Variants in KIF1A observed in about 807,000 individuals in gnomAD.
The protein encoded by KIF1A is kinesin-like protein KIF1A.
A neutral mutation model predicts 227.3 loss-of-function variants in KIF1A; 46 were observed. That is an observed-to-expected ratio of 0.20 (90% CI 0.16 to 0.26). KIF1A has a LOEUF of 0.26. Among genes scored for constraint, KIF1A ranks in the 10% least tolerant of loss-of-function variants. KIF1A has a pLI of 1.00. For missense variants in KIF1A, 1,683 were observed against 2,485.9 expected, an observed-to-expected ratio of 0.68 and a Z score of 6.87; for synonymous variants, 1,022 against 1,012.8, an observed-to-expected ratio of 1.01 and a Z score of -0.17.
At chr2:240,783,892 C>T (rs763241939) in intron 7 of KIF1A, 76 bp from the exon 8 acceptor site, 59 of 1,146,690 alleles carry the variant, frequency 5.1e-5, no homozygotes, top group Non-Finnish European at 7.3e-5. Context: ...TGGGCAAGGT[C>T]TCCACAGCTG....
intron 10 of KIF1A, among the ~76,000 whole-genome samples, chr2:240,777,990 A>G (rs537301214): frequency 1.3e-5 from 2 of 152,218 alleles, no homozygotes; most frequent in South Asian, 2.1e-4. Context: ...CAGTCCCTCA[A>G]GGAGCTCTCG....
rs2047735269 is a variant in KIF1A at position 240,739,718 on chromosome 2, AGC to A, written c.3901+338_3901+339del. Among the ~76,000 whole-genome samples the A allele has an allele frequency of 6.6e-6, 1 of 151,988 alleles. No homozygotes were observed. Among genetic ancestry groups the A allele is most frequent in the Admixed American group, 6.6e-5 (1 of 15,264 alleles). ...TCCCCAACAGGTTTCAGAGAGAGAGAGCGCGCCTCTTGCCGGCACCTTGATTT... is the reference window on the plus strand; with the variant it reads ...TCCCCAACAGGTTTCAGAGAGAGAGAGCGCCTCTTGCCGGCACCTTGATTT... On this transcript the variant is annotated intron_variant, in intron 37 of 48. Coordinates refer to ENST00000498729, the MANE Select transcript of KIF1A (RefSeq NM_001244008.2). The surrounding 1 kb of genome is among the most constrained non-coding windows in gnomAD (Gnocchi z 5.6).
chr2:240,807,078 A>ATG (rs67918205), intron 1 of KIF1A, among the ~76,000 whole-genome samples: 2,975 of 94,570 alleles, frequency 0.031, 57 homozygotes, highest in East Asian at 0.067. Flanking sequence ...CCTCATATAT[A>ATG]TGTGTGTGTG....
At chr2:240,742,571 T>A (rs1559492790) in intron 34 of KIF1A, among the ~76,000 whole-genome samples, 1 of 151,994 alleles carries the variant, frequency 6.6e-6, no homozygotes, top group Non-Finnish European at 1.5e-5. Flanking sequence ...CGCTCCCACC[T>A]CCAGCCTCAG....
At chr2:240,745,201 G>C (rs371582922) in intron 32 of KIF1A, among the ~76,000 whole-genome samples, 3 of 152,218 alleles carry the variant, frequency 2.0e-5, no homozygotes, top group African/African-American at 7.2e-5. Context: ...ACTATGAGCA[G>C]CTCCCAGGGG....
Position 240,757,339 on chromosome 2 carries a change from G to T in KIF1A, c.2838C>A (p.Pro946=), listed in dbSNP as rs758316163. 1.5e-5 allele frequency: 24 copies of T among 1,550,704 alleles called. No individual in the cohort carries two copies. Among genetic ancestry groups the T allele is most frequent in the Admixed American group, 3.9e-5 (2 of 51,008 alleles). Reference sequence around the variant, plus strand: ...CCAACCTTCCTACTAAACTGAACAGGGGGGGCCGGTCGTAAAACGGGTCCC... The same window carrying T: ...CCAACCTTCCTACTAAACTGAACAGTGGGGGCCGGTCGTAAAACGGGTCCC... ...DGRDPFYDRP[P]LFSLVGRAFV... The change falls in exon 27 of 49, where the codon CCC becomes CCA. Residue 946 remains proline (P), a synonymous_variant. Transcript: ENST00000498729. The surrounding 1 kb of genome is among the most constrained non-coding windows in gnomAD (Gnocchi z 6.2).
At chr2:240,799,399 T>C (rs1376037523) in intron 1 of KIF1A, among the ~76,000 whole-genome samples, 1 of 152,136 alleles carries the variant, frequency 6.6e-6, no homozygotes, top group African/African-American at 2.4e-5. Context: ...AAACAGCTCT[T>C]CCAGAGGCTA....
chr2:240,756,676 T>G (rs1209247708), intron 27 of KIF1A, among the ~76,000 whole-genome samples: 1 of 152,176 alleles, frequency 6.6e-6, no homozygotes, highest in Non-Finnish European at 1.5e-5. Flanking sequence ...GCCCCATCAT[T>G]TCAGAGGGAG....
intron 16 of KIF1A, 57 bp downstream of exon 16, chr2:240,769,570 G>T: frequency 6.9e-7 from 1 of 1,446,604 alleles, no homozygotes; most frequent in Non-Finnish European, 9.6e-7. Context: ...TCCTGCCCAG[G>T]CTCCGGGCTT....
chr2:240,772,186 C>A (rs1010674919), intron 14 of KIF1A, among the ~76,000 whole-genome samples: 1 of 152,328 alleles, frequency 6.6e-6, no homozygotes, highest in South Asian at 2.1e-4. Context: ...ACAGGACAGT[C>A]CCTCCAGCCC....
chr2:240,785,844 G>A (rs1159673227), intron 6 of KIF1A, among the ~76,000 whole-genome samples: 1 of 152,190 alleles, frequency 6.6e-6, no homozygotes, highest in South Asian at 2.1e-4. Context: ...CCCTCAGGAA[G>A]TCCCGGGTGG....
intron 14 of KIF1A, among the ~76,000 whole-genome samples, chr2:240,772,187 C>T (rs2052095519): frequency 1.3e-5 from 2 of 152,184 alleles, no homozygotes; most frequent in Non-Finnish European, 2.9e-5. Context: ...CAGGACAGTC[C>T]CTCCAGCCCT....
chr2:240,789,159 G>A lies in KIF1A; in HGVS notation c.183+77C>T, dbSNP rs1205328899. 4.3e-6 allele frequency: 5 copies of A among 1,176,024 alleles called. No homozygotes were observed. Among genetic ancestry groups the A allele is most frequent in the Non-Finnish European group, 5.1e-6 (4 of 787,124 alleles). The allele number at this position is 1,176,024 out of a possible 1,614,324, so 72.8% of individuals were successfully genotyped here. A position where few individuals can be genotyped will look rare whatever the true frequency, so the allele number is the denominator to read the frequency against. On this transcript the variant is annotated intron_variant, in intron 3 of 48. Coordinates refer to ENST00000498729, the MANE Select transcript of KIF1A (RefSeq NM_001244008.2). The surrounding 1 kb of genome is among the most constrained non-coding windows in gnomAD (Gnocchi z 4.8). ...GTTAGAGAGGAATGAGCGGCTCAGA[G>A]AAGTTGAGGGACCCCGAGGGCCACA...
rs555265980 is a variant in KIF1A at position 240,784,817 on chromosome 2, G to C, written c.720+172C>G. ...GGCATGGGAGAAGGGCCTCTGGGGC[G>C]GGGGGGGGGACGTCCACACCTGGTG... On this transcript the variant is annotated intron_variant, in intron 7 of 48. Transcript: ENST00000498729. Among the ~76,000 whole-genome samples, 1,142 of 66,964 alleles carry C rather than the reference G, an allele frequency of 0.017. 6 individuals carry two copies. Among genetic ancestry groups the C allele is most frequent in the Non-Finnish European group, 0.025 (868 of 34,510 alleles). 43.9% of individuals were successfully genotyped at this position (66,964 alleles called of 152,430 possible). A position where few individuals can be genotyped will look rare whatever the true frequency, so the allele number is the denominator to read the frequency against.
At chr2:240,745,305 C>T (rs1291851129) in intron 32 of KIF1A, 122 bp downstream of exon 32, 23 of 798,694 alleles carry the variant, frequency 2.9e-5, no homozygotes, top group Admixed American at 2.0e-4. Flanking sequence ...CTGGAGTTCC[C>T]GGTGCACAAG....
At position 240,718,108 on chromosome 2, in the gene KIF1A, C is replaced by G. The variant is rs1214446629; in HGVS notation, c.5275G>C (p.Asp1759His). Reference protein sequence around the residue: ...HRGILLQAASDKDMHDWLYAF... With the variant: ...HRGILLQAASHKDMHDWLYAF... ...TACAGCCAGTCATGCATGTCCTTGT[C>G]GCTGGCGGCCTGCAGCAGGATGCCG... Residue 1759 changes from aspartate to histidine, a missense_variant, in exon 48 of 49, where the codon GAC becomes CAC. Physicochemically the swap from Asp to His is moderately conservative, Grantham distance 81. This residue lies in a region of KIF1A where 384 missense variants were observed against 410.1 expected (regional missense o/e 0.94). Coordinates refer to ENST00000498729, the MANE Select transcript of KIF1A (RefSeq NM_001244008.2). 6.2e-7 allele frequency: 1 copy of G among 1,611,770 alleles called. No homozygotes were observed.
chr2:240,728,113 G>T (rs959896011), intron 38 of KIF1A, among the ~76,000 whole-genome samples: 16 of 152,302 alleles, frequency 1.1e-4, no homozygotes, highest in African/African-American at 3.8e-4. Flanking sequence ...TCCCGAGACC[G>T]CGGTGGAGCA....
rs541960774 is a variant in KIF1A at position 240,759,827 on chromosome 2, C to T, written c.2444+838G>A. Among the ~76,000 whole-genome samples, 5 of 152,158 alleles carry T rather than the reference C, an allele frequency of 3.3e-5. No homozygotes were observed. The South Asian group carries it at 6.2e-4, about 19-fold the overall frequency. ...TTAGAGATCAGCCTGTGCAACAGAG[C>T]GAGACCTCATCTCTACCACAAAAAA... On this transcript the variant is annotated intron_variant, in intron 25 of 48. Transcript: ENST00000498729.
rs936679876 is a variant in KIF1A, at chr2:240,789,571, C to A, written c.107-259G>T. Among the ~76,000 whole-genome samples the A allele has an allele frequency of 1.2e-4, 19 of 152,194 alleles. No individual in the cohort carries two copies. The highest frequency in any genetic ancestry group is 7.2e-4 in the Admixed American group (11 of 15,284). The stretch of plus-strand genomic sequence containing the variant: ...GCAAGGCTCTGTGTCATTCTCCCGC[C>A]AAATGCAACTGGCTCCCCTCAAAGG... On this transcript the variant is annotated intron_variant, in intron 2 of 48. Coordinates refer to ENST00000498729, the MANE Select transcript of KIF1A (RefSeq NM_001244008.2). The surrounding 1 kb of genome is among the most constrained non-coding windows in gnomAD (Gnocchi z 4.8).
Sources: gnomAD v4.1 joint callset for allele counts (sites outside exome capture counted in the v4.1 genomes callset) on GRCh38, gnomAD v4.1.1 for gene constraint, gnomAD v4.1.1 regional missense constraint, Gnocchi (gnomAD v3.1) non-coding constraint, MANE v1.5 for transcripts, NCBI Gene and HGNC (gene_info 2026-07-23, HGNC 2026-07-21) for gene names.